FLNB: variants seen among roughly 807,000 people sequenced by gnomAD.
FLNB encodes filamin B.
In FLNB, 111 loss-of-function variants were observed where a neutral mutation model predicts 250.6. The ratio of observed to expected loss-of-function variants is 0.44; its 90% CI spans 0.38 to 0.52. FLNB has a LOEUF of 0.52. FLNB is among the 20% of genes least tolerant of loss of function. FLNB has a pLI of 0.00. For synonymous variants in FLNB, 1,302 were observed against 1,372.1 expected, an observed-to-expected ratio of 0.95 and a Z score of 1.13; for missense variants, 2,869 against 3,447.8, an observed-to-expected ratio of 0.83 and a Z score of 4.20.
chr3:58,086,592 G>T (rs889983659), intron 4 of FLNB, among the ~76,000 whole-genome samples: 5 of 152,094 alleles, frequency 3.3e-5, no homozygotes, highest in Non-Finnish European at 7.3e-5. Context: ...TAGGCAGAAA[G>T]ATTATCTTAT....
intron 6 of FLNB, 99 bp from the exon 7 acceptor site, chr3:58,097,716 G>C: frequency 8.5e-7 from 1 of 1,181,438 alleles, no homozygotes; most frequent in South Asian, 1.3e-5. Flanking sequence ...GCCATCATGG[G>C]AGGGTAGGAG....
Position 58,110,052 on chromosome 3 carries a change from G to T in FLNB, c.2366G>T (p.Ser789Ile). The T allele has an allele frequency of 6.2e-7, 1 of 1,614,196 alleles. No individual in the cohort carries two copies. Among genetic ancestry groups the T allele is most frequent in the Non-Finnish European group, 8.5e-7 (1 of 1,180,036 alleles). The change falls in exon 16 of 46, where the codon AGT becomes ATT. Residue 789 changes from serine (S) to isoleucine (I), a missense_variant. Ser to Ile is a moderately radical substitution (Grantham distance 142). Around this residue, in one of 5 missense-constraint regions of FLNB, gnomAD observed 1,348 missense variants for 1,466.7 expected, o/e 0.92. Coordinates refer to ENST00000295956, the MANE Select transcript of FLNB (RefSeq NM_001457.4). ...ATTAAGTGTGATGCCCGGGTGTTAA[G>T]TGAAGATGAGGAAGACGTGGATTTT... ...VGIKCDARVL[S>I]EDEEDVDFDI...
At chr3:58,131,331 T>C (rs2097307006) in intron 25 of FLNB, among the ~76,000 whole-genome samples, 1 of 152,236 alleles carries the variant, frequency 6.6e-6, no homozygotes, top group African/African-American at 2.4e-5. Context: ...AGGCACATGA[T>C]GCACGTGATA....
chr3:58,104,601 C>T (rs2097256518), intron 10 of FLNB, among the ~76,000 whole-genome samples: 2 of 152,162 alleles, frequency 1.3e-5, no homozygotes, highest in Admixed American at 6.5e-5. Flanking sequence ...TTCAGTTAGC[C>T]TTGAGAAATA....
intron 38 of FLNB, among the ~76,000 whole-genome samples, chr3:58,152,033 C>T (rs2097345964): frequency 6.6e-6 from 1 of 152,230 alleles, no homozygotes; most frequent in Non-Finnish European, 1.5e-5. Context: ...CTTTACATTT[C>T]TCATTTGGCA....
intron 4 of FLNB, among the ~76,000 whole-genome samples, chr3:58,088,229 G>T (rs1008547517): frequency 6.6e-6 from 1 of 151,788 alleles, no homozygotes; most frequent in African/African-American, 2.4e-5. Context: ...TGTATTTTTA[G>T]TAGAGACGGA....
At chr3:58,094,058 T>A in intron 4 of FLNB, among the ~76,000 whole-genome samples, 1 of 152,186 alleles carries the variant, frequency 6.6e-6, no homozygotes, top group Admixed American at 6.5e-5. Flanking sequence ...AATACCCTGG[T>A]TGTGAGATTG....
rs1229545925 is a variant in FLNB, at chr3:58,105,163, G to A, written c.1694G>A (p.Gly565Glu). Residue 565 changes from glycine to glutamate, a missense_variant, in exon 11 of 46, where the codon GGG becomes GAG. Physicochemically the swap from Gly to Glu is moderately conservative, Grantham distance 98. Transcript: ENST00000295956. ...WGPGLHGGIV[G>E]RSADFVVESI... is the part of the protein sequence containing the mutation. ...CCTGGGCTCCATGGTGGGATTGTCG[G>A]GCGGTCAGCGGACTTCGTGGTAGAA... The A allele has an allele frequency of 6.2e-7, 1 of 1,614,222 alleles. No homozygotes were observed. Among genetic ancestry groups the A allele is most frequent in the Non-Finnish European group, 8.5e-7 (1 of 1,180,050 alleles).
chr3:58,081,829 G>A, intron 4 of FLNB, 53 bp downstream of exon 4: 1 of 1,597,318 alleles, frequency 6.3e-7, no homozygotes, highest in Non-Finnish European at 8.6e-7. Flanking sequence ...TGGTGTTGGA[G>A]ATGATTTCAT....
chr3:58,167,599 A>C (rs2097372944), intron 43 of FLNB, among the ~76,000 whole-genome samples: 1 of 152,212 alleles, frequency 6.6e-6, no homozygotes, highest in African/African-American at 2.4e-5. Flanking sequence ...TCCCTGGGCC[A>C]GCTAAGTTGT....
intron 43 of FLNB, among the ~76,000 whole-genome samples, chr3:58,166,835 T>C (rs1405467341): frequency 6.9e-6 from 1 of 145,478 alleles, no homozygotes; most frequent in African/African-American, 2.6e-5. Flanking sequence ...AAAAAAATAT[T>C]AGTAATAAGG....
intron 10 of FLNB, 113 bp downstream of exon 10, chr3:58,104,198 CTT>C (rs34703970): frequency 0.061 from 39,944 of 650,570 alleles, no homozygotes; most frequent in Middle Eastern, 0.1. Context: ...TTGTTGAAAA[CTT>C]TTTTTTTTTT....
At chr3:58,047,733 C>T (rs1456550988) in intron 1 of FLNB, among the ~76,000 whole-genome samples, 3 of 151,974 alleles carry the variant, frequency 2.0e-5, no homozygotes, top group African/African-American at 7.3e-5. Context: ...GCCACCATGC[C>T]CAGCTAATTT....
chr3:58,121,008 A>G (rs1181514215), intron 19 of FLNB, among the ~76,000 whole-genome samples: 1 of 152,252 alleles, frequency 6.6e-6, no homozygotes, highest in African/African-American at 2.4e-5. Context: ...AGTAAATGAT[A>G]GCCGTTATTG....
intron 1 of FLNB, among the ~76,000 whole-genome samples, chr3:58,034,832 C>T (rs887803445): frequency 1.3e-5 from 2 of 152,118 alleles, no homozygotes; most frequent in African/African-American, 4.8e-5. Context: ...GTAGCAGTCC[C>T]AGGCCCGCAG....
intron 43 of FLNB, among the ~76,000 whole-genome samples, chr3:58,168,032 G>A (rs550143233): frequency 7.2e-5 from 11 of 152,274 alleles, no homozygotes; most frequent in Admixed American, 3.3e-4. Flanking sequence ...AAGTCTACCC[G>A]GAGAAGAAAG....
rs558344042 is a variant in FLNB, at chr3:58,045,418, C to T, written c.293-31628C>T. 1.6e-4 allele frequency among the ~76,000 whole-genome samples: 24 copies of T among 152,288 alleles called. 1 individual carries two copies. The South Asian group carries it at 1.9e-3, about 12-fold the overall frequency. On this transcript the variant is annotated intron_variant, in intron 1 of 45. Transcript: ENST00000295956. ...AGGCAGCCCAGGACAGCTCTGAATG[C>T]GCCCCAACACAAATTCGTAAACTTT...
At chr3:58,135,678 G>GGT (rs2097314729) in intron 27 of FLNB, among the ~76,000 whole-genome samples, 1 of 152,134 alleles carries the variant, frequency 6.6e-6, no homozygotes, top group African/African-American at 2.4e-5. Flanking sequence ...TGGATGTGGT[G>GGT]GTGTGTGAGC....
At chr3:58,129,529 C>T (rs1042222586) in intron 24 of FLNB, among the ~76,000 whole-genome samples, 2 of 152,142 alleles carry the variant, frequency 1.3e-5, no homozygotes, top group African/African-American at 4.8e-5. Context: ...CCTTTTGTTC[C>T]TCTCACCCCA....
Sources: allele counts gnomAD v4.1 joint callset (sites outside exome capture counted in the v4.1 genomes callset), GRCh38; gene constraint gnomAD v4.1.1; regional missense constraint gnomAD v4.1.1; transcripts MANE v1.5; gene names NCBI Gene and HGNC (gene_info 2026-07-23, HGNC 2026-07-21).